The following BICDL2 variants were observed in gnomAD, a reference collection of about 807,000 sequenced individuals.
The protein encoded by BICDL2 is BICD family like cargo adaptor 2, also known as BICD family-like cargo adapter 2.
In BICDL2, 62 loss-of-function variants were observed where a neutral mutation model predicts 56.6. The ratio of observed to expected loss-of-function variants is 1.10; its 90% confidence interval spans 0.89 to 1.35. The LOEUF is 1.35. Among genes scored for constraint, BICDL2 ranks in the 40% most tolerant of loss-of-function variants. The pLI is 0.00. For synonymous variants in BICDL2, 358 were observed against 319.8 expected (o/e 1.12, Z -1.27); for missense variants, 808 against 684.5 (o/e 1.18, Z -2.01).
chr16:3,027,693 G>C lies in BICDL2; in HGVS notation c.*413C>G, dbSNP rs777506455. The C allele has an allele frequency of 1.3e-6, 2 of 1,535,638 alleles. No individual in the cohort carries two copies. Among genetic ancestry groups the C allele is most frequent in the Non-Finnish European group, 1.8e-6 (2 of 1,136,686 alleles). ...CACCCCCAGCCAGCTCAGGGTTTTA[G>C]AGTGTTTTTCATTTTCTTTTTTTTT... On this transcript the variant is annotated 3_prime_UTR_variant, in exon 10 of 10. Transcript: ENST00000572449.
chr16:3,028,916 A>G (rs1303988562), intron 7 of BICDL2, 86 bp from the exon 8 acceptor site: 9 of 1,454,248 alleles, frequency 6.2e-6, no homozygotes, highest in Non-Finnish European at 8.2e-6. Flanking sequence ...GGCTCTCCCC[A>G]CCCCTCCTCT....
Position 3,035,185 on chromosome 16 carries a change from A to ACCCCCCCCCCCCCCCCC in BICDL2, c.282+29_282+30insGGGGGGGGGGGGGGGGG. ...CCCACCCGTCCTCCCCTGCCCACCC[A>ACCCCCCCCCCCCCCCCC]CCCACCCACCCCGTCCAGTGCTAGC... On this transcript the variant is annotated intron_variant, in intron 2 of 9. Transcript: ENST00000572449. The ACCCCCCCCCCCCCCCCC allele has an allele frequency of 1.7e-4, 7 of 41,126 alleles. 1 individual carries two copies. The highest frequency in any genetic ancestry group is 5.2e-4 in the East Asian group (1 of 1,918). 2.5% of individuals were successfully genotyped at this position (41,126 alleles called of 1,614,324 possible). A position where few individuals can be genotyped will look rare whatever the true frequency, so the allele number is the denominator to read the frequency against.
intron 5 of BICDL2, 96 bp from the exon 6 acceptor site, chr16:3,029,835 G>T: frequency 1.8e-6 from 2 of 1,087,706 alleles, no homozygotes; most frequent in Non-Finnish European, 2.5e-6. Flanking sequence ...GCCGCGGAGA[G>T]CCCCGCACCC....
chr16:3,035,082 G>T lies in BICDL2; in HGVS notation c.282+133C>A. On this transcript the variant is annotated intron_variant, in intron 2 of 9. Transcript: ENST00000572449. Reference sequence around the variant, plus strand: ...GGGCCCAGCTCTGACCTGTTCCAAAGTGCCCCCCTCGCCCGGCTGTCCTCC... The same window carrying T: ...GGGCCCAGCTCTGACCTGTTCCAAATTGCCCCCCTCGCCCGGCTGTCCTCC... 3.3e-6 allele frequency: 3 copies of T among 907,792 alleles called. 1 individual carries two copies. Among genetic ancestry groups the T allele is most frequent in the South Asian group, 3.4e-5 (2 of 58,822 alleles). The allele number at this position is 907,792 out of a possible 1,614,324, so 56.2% of individuals were successfully genotyped here.
chr16:3,028,699 C>A lies in BICDL2; in HGVS notation c.1238+1G>T. On this transcript the variant is annotated splice_donor_variant, in intron 8 of 9. Coordinates refer to ENST00000572449, the MANE Select transcript of BICDL2 (RefSeq NM_001369667.1). LOFTEE classifies it high-confidence loss of function. ...GCGGTGGTCAATGGCTTGAGGCTTA[C>A]TTGTTCACGGCCTCGTCCCGGTCTG... is the stretch of plus-strand genomic sequence containing the variant. 1 of 1,569,926 alleles carries A rather than the reference C, an allele frequency of 6.4e-7. No homozygotes were observed. The highest frequency in any genetic ancestry group is 2.4e-5 in the East Asian group (1 of 42,534).
rs758957934 is a variant in BICDL2, at chr16:3,030,482, C to T, written c.729G>A (p.Leu243=). ...RLQTTHEELL[L]LRRERREHSL... ...TGTGCTCCCGCCGCTCCCGCCTCAG[C>T]AGCAGCAACTCCTCGTGGGTGGTCT... Residue 243 remains leucine (L), a synonymous_variant, in exon 5 of 10, where the codon CTG becomes CTA. Coordinates refer to ENST00000572449, the MANE Select transcript of BICDL2 (RefSeq NM_001369667.1). The T allele has an allele frequency of 6.2e-7, 1 of 1,604,338 alleles. No individual in the cohort carries two copies. The highest frequency in any genetic ancestry group is 1.3e-5 in the African/African-American group (1 of 75,044).
chr16:3,028,205 C>A lies in BICDL2; in HGVS notation c.1428G>T (p.Ala476=). Residue 476 remains alanine (A), a synonymous_variant, in exon 10 of 10, where the codon GCG becomes GCT. Transcript: ENST00000572449. Reference sequence around the variant, plus strand: ...CGGCACGGCGCGGGGTCGACGACGACGCGGAGGCGCTCAGCTCCTTCTGGC... The same window carrying A: ...CGGCACGGCGCGGGGTCGACGACGAAGCGGAGGCGCTCAGCTCCTTCTGGC... ...SQRQKELSAS[A]SSSTPRRAAP... The A allele has an allele frequency of 6.8e-7, 1 of 1,468,814 alleles. No individual in the cohort carries two copies. Among genetic ancestry groups the A allele is most frequent in the Non-Finnish European group, 8.9e-7 (1 of 1,121,900 alleles). 91.0% of individuals were successfully genotyped at this position (1,468,814 alleles called of 1,614,324 possible). A position where few individuals can be genotyped will look rare whatever the true frequency, so the allele number is the denominator to read the frequency against.
intron 1 of BICDL2, chr16:3,035,896 T>A (rs1008151664): frequency 6.8e-6 from 2 of 292,250 alleles, no homozygotes; most frequent in African/African-American, 2.2e-5. Context: ...AGAACCCAGG[T>A]TCTCAGGGAC....
chr16:3,035,711 G>T (rs1371535231), intron 1 of BICDL2, 185 bp from the exon 2 acceptor site: 4 of 587,708 alleles, frequency 6.8e-6, no homozygotes, highest in South Asian at 2.2e-5. Flanking sequence ...GTAAACTGAG[G>T]CAGGAAGCAG....
intron 1 of BICDL2, chr16:3,036,337 CT>C: frequency 2.2e-6 from 1 of 444,566 alleles, no homozygotes; most frequent in Middle Eastern, 3.3e-4. Flanking sequence ...CGGTCCGCCC[CT>C]GGGGACGGGA....
chr16:3,028,508 G>A (rs1288244586), intron 8 of BICDL2, 40 bp from the exon 9 acceptor site: 1 of 1,563,840 alleles, frequency 6.4e-7, no homozygotes, highest in East Asian at 2.3e-5. Flanking sequence ...GAGGGCGCTA[G>A]GGCCTCAGGG....
In BICDL2 at chr16:3,028,249, G is replaced by T; in HGVS notation, c.1384C>A (p.Gln462Lys). The T allele has an allele frequency of 6.8e-7, 1 of 1,477,568 alleles. No individual in the cohort carries two copies. 91.5% of individuals were successfully genotyped at this position (1,477,568 alleles called of 1,614,324 possible). A position where few individuals can be genotyped will look rare whatever the true frequency, so the allele number is the denominator to read the frequency against. Reference protein sequence around the residue: ...WQDDMQVVIGQQLRSQRQKEL... With the variant: ...WQDDMQVVIGKQLRSQRQKEL... ...TTCTGGCGCTGTGAGCGCAGCTGCT[G>T]CCCGATCACCACCTGCATGTCGTCC... Residue 462 changes from glutamine (Q) to lysine (K), a missense_variant, in exon 10 of 10, where the codon CAG becomes AAG. Coordinates refer to ENST00000572449, the MANE Select transcript of BICDL2 (RefSeq NM_001369667.1).
intron 2 of BICDL2, chr16:3,032,743 G>C (rs1325734794): frequency 6.6e-6 from 1 of 152,236 alleles, no homozygotes; most frequent in Non-Finnish European, 1.5e-5. Context: ...GGGAACAAGC[G>C]TGAGTTCTTG....
intron 2 of BICDL2, chr16:3,031,510 T>G (rs973989567): frequency 2.1e-6 from 1 of 478,000 alleles, no homozygotes; most frequent in Non-Finnish European, 3.7e-6. Context: ...AGCACACACC[T>G]GCTGTGTCCC....
At chr16:3,033,787 CA>C (rs1955689070) in intron 2 of BICDL2, among the ~76,000 whole-genome samples, 1 of 129,718 alleles carries the variant, frequency 7.7e-6, no homozygotes, top group South Asian at 2.3e-4. Context: ...ACCCTGTCTC[CA>C]AAAAAAGAAA....
Position 3,028,397 on chromosome 16 carries a change from C to G in BICDL2, c.1310G>C (p.Arg437Pro), listed in dbSNP as rs1486113118. 1.3e-6 allele frequency: 2 copies of G among 1,552,390 alleles called. No individual in the cohort carries two copies. Among genetic ancestry groups the G allele is most frequent in the East Asian group, 4.7e-5 (2 of 42,262 alleles). The change falls in exon 9 of 10, where the codon CGC (arginine) becomes CCC (proline). Residue 437 changes from arginine (R) to proline (P), a missense_variant. By Grantham distance (103) the Arg-to-Pro change is moderately radical. Coordinates refer to ENST00000572449, the MANE Select transcript of BICDL2 (RefSeq NM_001369667.1). ...GAGCGCCACCTTCTGGCGGATGGCG[C>G]GCAGCAGCTCCCGAGACAGGGAGTC... ...ERDSLSRELL[R>P]AIRQKVALTQ...
chr16:3,028,116 C>T lies in BICDL2; in HGVS notation c.1517G>A (p.Arg506Gln), dbSNP rs775616584. ...PAGGFLSNLF[R>Q]RT ...CTCTGGGCCCAGCCGTCAGGTCCTT[C>T]GGAAGAGGTTACTGAGAAAGCCACC... Residue 506 changes from arginine (R) to glutamine (Q), a missense_variant, in exon 10 of 10, where the codon CGA (arginine) becomes CAA (glutamine). Coordinates refer to ENST00000572449, the MANE Select transcript of BICDL2 (RefSeq NM_001369667.1). The T allele has an allele frequency of 1.1e-5, 16 of 1,431,750 alleles. No homozygotes were observed. Among genetic ancestry groups the T allele is most frequent in the Non-Finnish European group, 1.5e-5 (16 of 1,098,896 alleles). The allele number at this position is 1,431,750 out of a possible 1,614,324, so 88.7% of individuals were successfully genotyped here.
chr16:3,033,666 T>A (rs1357794093), intron 2 of BICDL2, among the ~76,000 whole-genome samples: 8 of 151,998 alleles, frequency 5.3e-5, no homozygotes, highest in Non-Finnish European at 1.2e-4. Flanking sequence ...GTGCCTGTAG[T>A]CCCAACTACT....
chr16:3,029,170 G>T, intron 7 of BICDL2, 110 bp downstream of exon 7: 1 of 1,388,164 alleles, frequency 7.2e-7, no homozygotes, highest in Non-Finnish European at 9.8e-7. Flanking sequence ...TGAGATGAAA[G>T]CCGATCCAGG....
Sources: gnomAD v4.1 joint callset for allele counts (sites outside exome capture counted in the v4.1 genomes callset) on GRCh38, gnomAD v4.1.1 for gene constraint, MANE v1.5 for transcripts, NCBI Gene and HGNC (gene_info 2026-07-23, HGNC 2026-07-21) for gene names.